TENM2: variants seen among roughly 807,000 people sequenced by gnomAD.
TENM2 encodes the protein teneurin-2.
Under a neutral mutation model 245.2 loss-of-function variants are expected in TENM2, and 52 were observed. The ratio of observed to expected loss-of-function variants is 0.21; its 90% confidence interval spans 0.17 to 0.27. The LOEUF (loss-of-function observed/expected upper bound fraction) is 0.27. TENM2 is among the 10% of genes least tolerant of loss of function. TENM2 has a pLI of 1.00. For missense variants in TENM2, 3,046 were observed against 3,666.8 expected, an observed-to-expected ratio of 0.83 and a Z score of 4.37; for synonymous variants, 1,363 against 1,438.9, an observed-to-expected ratio of 0.95 and a Z score of 1.19.
intron 2 of TENM2, among the ~76,000 whole-genome samples, chr5:167,807,055 T>A (rs959147675): frequency 2.2e-5 from 3 of 137,636 alleles, no homozygotes; most frequent in Non-Finnish European, 4.5e-5. Flanking sequence ...AAGCTAATAC[T>A]GCATGGTCCA....
At chr5:168,077,664 G>A (rs1161402313) in intron 7 of TENM2, among the ~76,000 whole-genome samples, 2 of 152,146 alleles carry the variant, frequency 1.3e-5, no homozygotes, top group Admixed American at 1.3e-4. Flanking sequence ...ATCTATGAGT[G>A]AGAACATATG....
At chr5:167,747,118 G>C (rs1281784669) in intron 2 of TENM2, among the ~76,000 whole-genome samples, 4 of 152,136 alleles carry the variant, frequency 2.6e-5, no homozygotes. Flanking sequence ...GGAGCAGAAG[G>C]TGATGAGCTG....
chr5:167,515,947 G>A (rs149668631), intron 2 of TENM2, among the ~76,000 whole-genome samples: 1 of 152,110 alleles, frequency 6.6e-6, no homozygotes, highest in East Asian at 1.9e-4. Context: ...TAAAAGTTCT[G>A]TCTATTTGAT....
At chr5:167,986,615 G>A (rs1783265801) in intron 4 of TENM2, among the ~76,000 whole-genome samples, 1 of 152,202 alleles carries the variant, frequency 6.6e-6, no homozygotes, top group Non-Finnish European at 1.5e-5. Context: ...GGAGGCACAA[G>A]TGGCCAATTC....
chr5:167,025,847 C>T, the TENM2 span, among the ~76,000 whole-genome samples: 2 of 151,906 alleles, frequency 1.3e-5, no homozygotes, highest in East Asian at 3.9e-4. Flanking sequence ...GTATATAATC[C>T]GCTTCTCATT....
At chr5:167,848,185 G>A (rs545154561) in intron 2 of TENM2, among the ~76,000 whole-genome samples, 4 of 152,294 alleles carry the variant, frequency 2.6e-5, no homozygotes, top group Admixed American at 2.6e-4. Flanking sequence ...GGTCATGAGA[G>A]CTGAGTGGAT....
At chr5:167,384,566 T>C (rs1761300884) in intron 2 of TENM2, among the ~76,000 whole-genome samples, 1 of 152,220 alleles carries the variant, frequency 6.6e-6, no homozygotes, top group Non-Finnish European at 1.5e-5. Flanking sequence ...GACCAAGAGC[T>C]GTGAGCTTCA....
At chr5:167,842,999 A>G (rs183174781) in intron 2 of TENM2, among the ~76,000 whole-genome samples, 49 of 152,224 alleles carry the variant, frequency 3.2e-4, no homozygotes, top group African/African-American at 1.1e-3. Flanking sequence ...ACTTACCTCA[A>G]TTCGCAACAA....
chr5:167,742,086 T>C (rs1034479992), intron 2 of TENM2, among the ~76,000 whole-genome samples: 7 of 152,194 alleles, frequency 4.6e-5, no homozygotes, highest in Non-Finnish European at 8.8e-5. Flanking sequence ...AATTAATTGC[T>C]CTACTTTATC....
At chr5:167,199,490 C>T in the TENM2 span, among the ~76,000 whole-genome samples, 2 of 152,066 alleles carry the variant, frequency 1.3e-5, no homozygotes, top group African/African-American at 4.8e-5. Flanking sequence ...CCACATTTCT[C>T]ATTCTCCTCT....
At chr5:167,674,096 T>C (rs1756146040) in intron 2 of TENM2, among the ~76,000 whole-genome samples, 2 of 152,152 alleles carry the variant, frequency 1.3e-5, no homozygotes, top group South Asian at 2.1e-4. Flanking sequence ...AATTTCTCCA[T>C]TACATTCTCT....
At chr5:167,580,996 C>G (rs989995257) in intron 2 of TENM2, among the ~76,000 whole-genome samples, 2 of 151,732 alleles carry the variant, frequency 1.3e-5, no homozygotes, top group African/African-American at 4.8e-5. Context: ...CTCAAAAAAT[C>G]AAAAAAACGG....
chr5:168,118,172 C>A, intron 9 of TENM2, 120 bp from the exon 12 acceptor site: 1 of 704,964 alleles, frequency 1.4e-6, no homozygotes, highest in Non-Finnish European at 2.2e-6. Flanking sequence ...CAGCCAGAGT[C>A]CCCAGCCTAG....
At chr5:167,280,768 A>G (rs868818657), upstream of TENM2, among the ~76,000 whole-genome samples, 3,426 of 146,444 alleles carry the variant, frequency 0.023, 64 homozygotes, top group Admixed American at 0.053. Flanking sequence ...CTATCTATCT[A>G]TCTATCTATC....
the TENM2 span, among the ~76,000 whole-genome samples, chr5:167,190,553 T>C: frequency 2.6e-5 from 4 of 152,088 alleles, no homozygotes; most frequent in Non-Finnish European, 5.9e-5. Flanking sequence ...TTGATTCTCA[T>C]AGTGTGATGT....
chr5:166,988,807 A>G, the TENM2 span, among the ~76,000 whole-genome samples: 1 of 152,150 alleles, frequency 6.6e-6, no homozygotes, highest in African/African-American at 2.4e-5. Flanking sequence ...GGCTGCTTGC[A>G]CAATGCCTGC....
chr5:167,609,692 C>CTA (rs1331805636), intron 2 of TENM2, among the ~76,000 whole-genome samples: 2 of 151,896 alleles, frequency 1.3e-5, no homozygotes, highest in Admixed American at 1.3e-4. Context: ...AGGATCCTTG[C>CTA]TATACTTTAT....
At chr5:168,039,032 C>T (rs1787950431) in intron 5 of TENM2, among the ~76,000 whole-genome samples, 2 of 152,078 alleles carry the variant, frequency 1.3e-5, no homozygotes, top group African/African-American at 4.8e-5. Flanking sequence ...GAGAAAGTGC[C>T]CTAGGAATGG....
the TENM2 span, among the ~76,000 whole-genome samples, chr5:166,996,712 T>C: frequency 1.3e-5 from 2 of 152,244 alleles, no homozygotes; most frequent in Admixed American, 6.5e-5. Context: ...GATTCTTAAC[T>C]ATGTGAACCA....
Sources: allele counts gnomAD v4.1 joint callset (sites outside exome capture counted in the v4.1 genomes callset), GRCh38; gene constraint gnomAD v4.1.1; transcripts MANE v1.5; gene names NCBI Gene and HGNC (gene_info 2026-07-23, HGNC 2026-07-21).